Variants in STAG3 observed in about 807,000 individuals in gnomAD.
The protein encoded by STAG3 is cohesin subunit SA-3.
A neutral mutation model predicts 160.7 loss-of-function variants in STAG3; 101 were observed. The ratio of observed to expected loss-of-function variants is 0.63; its 90% CI spans 0.54 to 0.74. STAG3 has a LOEUF of 0.74. Among genes scored for constraint, STAG3 ranks in the 30% least tolerant of loss-of-function variants. The pLI is 0.00. For synonymous variants in STAG3, 519 were observed against 585.0 expected (o/e 0.89, Z 1.63); for missense variants, 1,188 against 1,517.4 (o/e 0.78, Z 3.61).
chr7:100,217,103 C>T (rs7798234), downstream of STAG3, among the ~76,000 whole-genome samples: 1 of 152,258 alleles, frequency 6.6e-6, no homozygotes, highest in Non-Finnish European at 1.5e-5. Context: ...GGAATCATGA[C>T]TTACAATGTT....
At position 100,205,377 on chromosome 7, in the gene STAG3, C is replaced by T. The variant is rs776850167; in HGVS notation, c.3231C>T (p.Arg1077=). 1.1e-5 allele frequency: 18 copies of T among 1,612,562 alleles called. No homozygotes were observed. In the East Asian group the frequency reaches 2.0e-4, roughly 18 times the overall value. ...PQVLPSSKRR[R]VEGPAKPNRE... ...TCCTCCCCAGCTCCAAGAGGAGGCG[C>T]GTTGAAGGTAGGGTGCTGTGTGTGG... is the stretch of plus-strand genomic sequence containing the variant. The change falls in exon 29 of 34, where the codon CGC becomes CGT. Residue 1077 remains arginine (R), a synonymous_variant. Coordinates refer to ENST00000615138, the MANE Select transcript of STAG3 (RefSeq NM_001282717.2).
chr7:100,203,705 G>T (rs1801366306), intron 25 of STAG3, among the ~76,000 whole-genome samples: 2 of 151,416 alleles, frequency 1.3e-5, no homozygotes, highest in Non-Finnish European at 2.9e-5. Flanking sequence ...TAGTAGAGAC[G>T]GGGTTTCACC....
At chr7:100,178,254 CAGTCGT>C (rs1799403205) in intron 1 of STAG3, among the ~76,000 whole-genome samples, 1 of 152,164 alleles carries the variant, frequency 6.6e-6, no homozygotes, top group Admixed American at 6.5e-5. Flanking sequence ...ACCCCAGGGG[CAGTCGT>C]AGATATTTTT....
intron 32 of STAG3, 148 bp from the exon 33 acceptor site, chr7:100,213,587 C>A: frequency 6.7e-7 from 1 of 1,485,778 alleles, no homozygotes; most frequent in South Asian, 1.4e-5. Flanking sequence ...TCCTGGTGCC[C>A]ACACTGACTT....
At chr7:100,184,720 C>G (rs981867902) in intron 4 of STAG3, among the ~76,000 whole-genome samples, 36 of 152,192 alleles carry the variant, frequency 2.4e-4, no homozygotes, top group Admixed American at 2.2e-3. Flanking sequence ...CCGGCCTCGG[C>G]CTTCCAAAGT....
At chr7:100,191,345 C>T (rs1298700313) in intron 8 of STAG3, among the ~76,000 whole-genome samples, 1 of 152,182 alleles carries the variant, frequency 6.6e-6, no homozygotes, top group Non-Finnish European at 1.5e-5. Flanking sequence ...TAAACTGCAA[C>T]TTACTAAAAA....
chr7:100,177,772 A>G (rs1276489283), upstream of STAG3: 1 of 152,564 alleles, frequency 6.6e-6, no homozygotes, highest in African/African-American at 2.4e-5. Flanking sequence ...GACGCCTGAG[A>G]GCTTGAGGCC....
intron 29 of STAG3, among the ~76,000 whole-genome samples, chr7:100,206,923 A>G (rs769349018): frequency 6.6e-6 from 1 of 152,212 alleles, no homozygotes; most frequent in Non-Finnish European, 1.5e-5. Flanking sequence ...TAGTATCACT[A>G]ATATAATTCC....
At chr7:100,199,712 C>G in intron 16 of STAG3, 68 bp downstream of exon 16, 1 of 1,258,344 alleles carries the variant, frequency 7.9e-7, no homozygotes, top group Non-Finnish European at 1.1e-6. Flanking sequence ...GCATCCTTAT[C>G]CCCCAGGCTG....
At chr7:100,205,839 A>G (rs1801603436) in intron 29 of STAG3, among the ~76,000 whole-genome samples, 1 of 151,996 alleles carries the variant, frequency 6.6e-6, no homozygotes, top group Non-Finnish European at 1.5e-5. Flanking sequence ...CAAAAAAAAA[A>G]AAAAGAAACT....
intron 29 of STAG3, among the ~76,000 whole-genome samples, chr7:100,209,277 C>T (rs1243290631): frequency 6.6e-6 from 1 of 152,164 alleles, no homozygotes; most frequent in Non-Finnish European, 1.5e-5. Context: ...GCCTATTGGC[C>T]TCCCAGCGAA....
At chr7:100,217,934 G>A (rs1181540234), downstream of STAG3, among the ~76,000 whole-genome samples, 5 of 151,048 alleles carry the variant, frequency 3.3e-5, no homozygotes, top group African/African-American at 1.2e-4. Context: ...TTAGGCCTCC[G>A]GATGGCTGTG....
intron 30 of STAG3, 94 bp from the exon 31 acceptor site, chr7:100,211,339 ATC>A (rs1802184206): frequency 4.0e-6 from 6 of 1,497,970 alleles, no homozygotes; most frequent in African/African-American, 1.4e-5. Context: ...TTTAAAATGC[ATC>A]TCTCTGAGCT....
chr7:100,181,972 GAT>G, intron 2 of STAG3, 116 bp from the exon 3 acceptor site: 1 of 606,102 alleles, frequency 1.6e-6, no homozygotes. Context: ...TTAAAATCTG[GAT>G]ATGTTTTTCT....
rs61756195 is a variant in STAG3 at position 100,188,485 on chromosome 7, T to C, written c.466T>C (p.Ser156Pro). ...GACCCCTGAGATGTTCAAGAAGATG[T>C]CCAACTCAGAGATCATCCAGCACCT... ...IVTPEMFKKM[S>P]NSEIIQHLTE... Residue 156 changes from serine to proline, a missense_variant, in exon 6 of 34, where the codon TCC becomes CCC. By Grantham distance (74) the Ser-to-Pro change is moderately conservative (BLOSUM62 -1). Around this residue, in one of 4 missense-constraint regions of STAG3, gnomAD observed 296 missense variants for 404.0 expected, o/e 0.73. Coordinates refer to ENST00000615138, the MANE Select transcript of STAG3 (RefSeq NM_001282717.2). 1.3e-3 allele frequency: 2,099 copies of C among 1,613,838 alleles called. 3 individuals carry two copies. The highest frequency in any genetic ancestry group is 1.6e-3 in the Non-Finnish European group (1,927 of 1,179,706).
chr7:100,200,937 C>T lies in STAG3; in HGVS notation c.2029C>T (p.Arg677Cys), dbSNP rs767816671. Residue 677 changes from arginine (R) to cysteine (C), a missense_variant, in exon 19 of 34, where the codon CGC (arginine) becomes TGC (cysteine). Physicochemically the swap from Arg to Cys is radical, Grantham distance 180. This residue lies in a region of STAG3 where 647 missense variants were observed against 717.2 expected (regional missense o/e 0.90). Transcript: ENST00000615138. ...CCAGCTAGTAGATTTGCTGACTGAC[C>T]GCTTCCAGCAGGAGCTTGAAGAGCT... The part of the protein sequence containing the change: ...RSQLVDLLTD[R>C]FQQELEELLQ... 7.4e-6 allele frequency: 12 copies of T among 1,614,162 alleles called. No homozygotes were observed. The highest frequency in any genetic ancestry group is 2.7e-5 in the African/African-American group (2 of 75,048).
chr7:100,193,481 G>T (rs1462840442), intron 8 of STAG3, among the ~76,000 whole-genome samples: 1 of 152,176 alleles, frequency 6.6e-6, no homozygotes, highest in Non-Finnish European at 1.5e-5. Flanking sequence ...AAAATTCATT[G>T]TTTAGTGTAG....
Position 100,199,087 on chromosome 7 carries a change from T to C in STAG3, c.1467+130T>C. ...GGAGGATCCTTTGAGCCCAGGAGTT[T>C]GAGACCAGCCTGGGCAACACAGTGA... On this transcript the variant is annotated intron_variant, in intron 14 of 33. Transcript: ENST00000615138. The C allele has an allele frequency of 8.2e-6, 8 of 981,424 alleles. No individual in the cohort carries two copies. The South Asian group carries it at 1.1e-4, about 13-fold the overall frequency. The allele number at this position is 981,424 out of a possible 1,614,324, so 60.8% of individuals were successfully genotyped here.
chr7:100,206,037 T>TG (rs1394964577), intron 29 of STAG3, among the ~76,000 whole-genome samples: 6 of 152,018 alleles, frequency 3.9e-5, no homozygotes, highest in Non-Finnish European at 8.8e-5. Context: ...TTTTTTGAGA[T>TG]GGAGTCTTGC....
Sources: gnomAD v4.1 joint callset for allele counts (sites outside exome capture counted in the v4.1 genomes callset) on GRCh38, gnomAD v4.1.1 for gene constraint, gnomAD v4.1.1 regional missense constraint, MANE v1.5 for transcripts, NCBI Gene and HGNC (gene_info 2026-07-23, HGNC 2026-07-21) for gene names.